Variants in C19orf47 observed in about 807,000 individuals in gnomAD.
C19orf47 encodes the protein uncharacterized protein C19orf47.
In C19orf47, 18 loss-of-function variants were observed where a neutral mutation model predicts 32.3. That is an observed-to-expected ratio of 0.56 (90% CI 0.39 to 0.83). The LOEUF is 0.83. C19orf47 is among the 40% of genes least tolerant of loss of function. C19orf47 has a pLI of 0.00. For synonymous variants in C19orf47, 202 were observed against 211.1 expected (o/e 0.96, Z 0.37); for missense variants, 484 against 531.6 (o/e 0.91, Z 0.88).
Position 40,321,657 on chromosome 19 carries a change from A to G in C19orf47, c.*225T>C. 7.2e-7 allele frequency: 1 copy of G among 1,383,090 alleles called. No homozygotes were observed. Among genetic ancestry groups the G allele is most frequent in the Non-Finnish European group, 9.3e-7 (1 of 1,074,110 alleles). The allele number at this position is 1,383,090 out of a possible 1,614,324, so 85.7% of individuals were successfully genotyped here. A position where few individuals can be genotyped will look rare whatever the true frequency, so the allele number is the denominator to read the frequency against. ...ACAGCCAGAGAAGAAAGCACAGAGG[A>G]CATGAGAGAAGGGGAGTCCTGGAGC... On this transcript the variant is annotated 3_prime_UTR_variant, in exon 9 of 9. Coordinates refer to ENST00000683109, the MANE Select transcript of C19orf47 (RefSeq NM_001256441.2).
intron 8 of C19orf47, 36 bp from the exon 9 acceptor site, chr19:40,322,412 A>G (rs1208179178): frequency 7.8e-6 from 12 of 1,529,270 alleles, no homozygotes; most frequent in Non-Finnish European, 9.7e-6. Flanking sequence ...TGAGTCACTG[A>G]GTCACTCAAC....
chr19:40,315,927 C>T (rs1217387868), downstream of C19orf47, among the ~76,000 whole-genome samples: 1 of 151,808 alleles, frequency 6.6e-6, no homozygotes, highest in African/African-American at 2.4e-5. Flanking sequence ...CACTGCACTC[C>T]AGTCTGGGTG....
chr19:40,306,333 C>A, the C19orf47 span, among the ~76,000 whole-genome samples: 1 of 151,358 alleles, frequency 6.6e-6, no homozygotes, highest in African/African-American at 2.4e-5. Context: ...AACAGTAAGA[C>A]AAATGGAACA....
At chr19:40,343,094 G>C (rs561276319) in intron 1 of C19orf47, among the ~76,000 whole-genome samples, 107 of 152,232 alleles carry the variant, frequency 7.0e-4, no homozygotes, top group South Asian at 1.5e-3. Flanking sequence ...CCAGGATCAT[G>C]GGGCCCACAC....
chr19:40,332,457 T>G (rs991751589), intron 5 of C19orf47: 27 of 151,988 alleles, frequency 1.8e-4, no homozygotes, highest in African/African-American at 6.3e-4. Flanking sequence ...AAAACCAGCC[T>G]GGCCAACAGG....
chr19:40,321,540 G>C lies in C19orf47; in HGVS notation c.*342C>G, dbSNP rs1035458103. 9.3e-6 allele frequency: 10 copies of C among 1,070,994 alleles called. No homozygotes were observed. Among genetic ancestry groups the C allele is most frequent in the African/African-American group, 1.7e-5 (1 of 59,880 alleles). The allele number at this position is 1,070,994 out of a possible 1,614,324, so 66.3% of individuals were successfully genotyped here. A position where few individuals can be genotyped will look rare whatever the true frequency, so the allele number is the denominator to read the frequency against. ...GGCTGATGAGCTGGGGTCTGAGGCA[G>C]CAGACCCTGCTCAGGGGAAGAAGGG... On this transcript the variant is annotated 3_prime_UTR_variant, in exon 9 of 9. Transcript: ENST00000683109.
intron 2 of C19orf47, among the ~76,000 whole-genome samples, chr19:40,339,980 C>CAAAAA (rs548548957): frequency 1.2e-4 from 8 of 68,652 alleles, no homozygotes; most frequent in African/African-American, 2.9e-4. Flanking sequence ...CATCTCAAAA[C>CAAAAA]AAAAAAAAAA....
In C19orf47 at chr19:40,336,116, G is replaced by A. The variant is rs775364288; in HGVS notation, c.216C>T (p.His72=). ...GGCTGGGCACAGCACCCACCTGACG[G>A]TGCACCACTTTGGCATGCTTGAGAA... ...IAILKHAKVV[H]RQDMCKAATE... is the part of the protein sequence containing the mutation. The change falls in exon 4 of 9, where the codon CAC becomes CAT. Residue 72 remains histidine, a synonymous_variant. Coordinates refer to ENST00000683109, the MANE Select transcript of C19orf47 (RefSeq NM_001256441.2). 6.2e-7 allele frequency: 1 copy of A among 1,613,964 alleles called. No homozygotes were observed. The highest frequency in any genetic ancestry group is 8.5e-7 in the Non-Finnish European group (1 of 1,179,970).
Position 40,336,151 on chromosome 19 carries a change from T to C in C19orf47, c.181A>G (p.Ile61Val), listed in dbSNP as rs1290758020. The change falls in exon 4 of 9, where the codon ATC (isoleucine) becomes GTC (valine). Residue 61 changes from isoleucine to valine, a missense_variant. Physicochemically the swap from Ile to Val is conservative, Grantham distance 29. This residue lies in a region of C19orf47 where 57 missense variants were observed against 86.9 expected (regional missense o/e 0.66). Coordinates refer to ENST00000683109, the MANE Select transcript of C19orf47 (RefSeq NM_001256441.2). ...NELGVTVVGD[I>V]IAILKHAKVV... ...TTGGCATGCTTGAGAATGGCGATGA[T>C]GTCACCCACCACGGTCACGCCCAGC... The C allele has an allele frequency of 6.2e-7, 1 of 1,614,058 alleles. No individual in the cohort carries two copies. Among genetic ancestry groups the C allele is most frequent in the Non-Finnish European group, 8.5e-7 (1 of 1,180,038 alleles).
the C19orf47 span, among the ~76,000 whole-genome samples, chr19:40,307,089 CTTTTTTTTTTT>C: frequency 3.1e-5 from 2 of 64,844 alleles, no homozygotes; most frequent in African/African-American, 6.1e-5. Context: ...GCGCCCGGCC[CTTTTTTTTTTT>C]TTTTTTTTTT....
At chr19:40,327,722 C>T (rs1307846882) in intron 6 of C19orf47, among the ~76,000 whole-genome samples, 1 of 152,076 alleles carries the variant, frequency 6.6e-6, no homozygotes, top group Admixed American at 6.6e-5. Context: ...CAGGCCCATT[C>T]CCAGCTCTCA....
At chr19:40,338,292 A>AATAT (rs546672523) in intron 2 of C19orf47, among the ~76,000 whole-genome samples, 2 of 104,598 alleles carry the variant, frequency 1.9e-5, no homozygotes, top group South Asian at 6.7e-4. Context: ...CACACACACA[A>AATAT]ATATATATAT....
In C19orf47 at chr19:40,324,048, G is replaced by A; in HGVS notation, c.621C>T (p.Arg207=). Residue 207 remains arginine (R), a synonymous_variant, in exon 8 of 9, where the codon CGC becomes CGT. Coordinates refer to ENST00000683109, the MANE Select transcript of C19orf47 (RefSeq NM_001256441.2). ...TGTCTGCCTTGGTCTCGGCGCCGAG[G>A]CGGTCAAACACAGACGTCCTATGGA... is the stretch of plus-strand genomic sequence containing the variant. The part of the protein sequence containing the change: ...KGLHRTSVFD[R]LGAETKADTT... 1.2e-6 allele frequency: 2 copies of A among 1,614,232 alleles called. No individual in the cohort carries two copies. Among genetic ancestry groups the A allele is most frequent in the Non-Finnish European group, 1.7e-6 (2 of 1,180,036 alleles).
the C19orf47 span, among the ~76,000 whole-genome samples, chr19:40,311,058 C>G: frequency 2.0e-5 from 3 of 151,920 alleles, no homozygotes; most frequent in Non-Finnish European, 4.4e-5. Context: ...GGCAACATAG[C>G]AAGCCCCCTT....
intron 1 of C19orf47, among the ~76,000 whole-genome samples, chr19:40,346,716 C>T (rs1482107102): frequency 2.0e-5 from 3 of 151,524 alleles, no homozygotes; most frequent in Non-Finnish European, 2.9e-5. Flanking sequence ...TTAGTAGAGA[C>T]GGGGTTTCAC....
chr19:40,315,773 C>G (rs1232654490), downstream of C19orf47, among the ~76,000 whole-genome samples: 1 of 150,400 alleles, frequency 6.6e-6, no homozygotes, highest in African/African-American at 2.4e-5. Flanking sequence ...GAGTGACACT[C>G]CATCTCAAAA....
chr19:40,296,707 A>G, the C19orf47 span, among the ~76,000 whole-genome samples: 1 of 151,892 alleles, frequency 6.6e-6, no homozygotes, highest in African/African-American at 2.4e-5. Flanking sequence ...TGAGGTCAGG[A>G]GTTCAAGACC....
intron 5 of C19orf47, 133 bp downstream of exon 5, chr19:40,333,718 A>G (rs1245796268): frequency 1.5e-6 from 1 of 650,150 alleles, no homozygotes; most frequent in Non-Finnish European, 2.5e-6. Flanking sequence ...CCCTAAAAGA[A>G]GAGTAAGAAT....
the C19orf47 span, among the ~76,000 whole-genome samples, chr19:40,301,829 A>G: frequency 4.0e-5 from 6 of 150,638 alleles, no homozygotes; most frequent in African/African-American, 1.5e-4. Flanking sequence ...TGGGTGACAG[A>G]GCAAGACTCT....
Sources: gnomAD v4.1 joint callset for allele counts (sites outside exome capture counted in the v4.1 genomes callset) on GRCh38, gnomAD v4.1.1 for gene constraint, gnomAD v4.1.1 regional missense constraint, MANE v1.5 for transcripts, NCBI Gene and HGNC (gene_info 2026-07-23, HGNC 2026-07-21) for gene names.